The following CPNE8 variants were observed in gnomAD, a reference collection of about 807,000 sequenced individuals.
CPNE8 encodes the protein copine-8.
Under a neutral mutation model 81.5 loss-of-function variants are expected in CPNE8, and 45 were observed. That is an observed-to-expected ratio of 0.55 (90% confidence interval 0.44 to 0.71). The LOEUF is 0.71. Ranked by LOEUF, CPNE8 falls within the 30% of genes least tolerant of loss-of-function variation. The pLI, the probability that CPNE8 is intolerant of heterozygous loss-of-function variation, is 0.00. For missense variants in CPNE8, 594 were observed against 672.1 expected (o/e 0.88, Z 1.28); for synonymous variants, 252 against 226.3 (o/e 1.11, Z -1.02).
chr12:38,665,647 T>C (rs1939044551), intron 19 of CPNE8, among the ~76,000 whole-genome samples: 1 of 152,166 alleles, frequency 6.6e-6, no homozygotes, highest in South Asian at 2.1e-4. Flanking sequence ...ATGGAAAATA[T>C]GATTTAAATA....
chr12:38,844,599 A>G (rs1943522866), intron 4 of CPNE8, among the ~76,000 whole-genome samples: 1 of 152,130 alleles, frequency 6.6e-6, no homozygotes, highest in Non-Finnish European at 1.5e-5. Flanking sequence ...TCTCAGACAT[A>G]CCATAGTAAC....
At chr12:38,797,837 T>A (rs996362180) in intron 6 of CPNE8, among the ~76,000 whole-genome samples, 2 of 151,864 alleles carry the variant, frequency 1.3e-5, no homozygotes, top group African/African-American at 2.4e-5. Flanking sequence ...GAATAACCAA[T>A]ACAGAAAAGT....
intron 1 of CPNE8, among the ~76,000 whole-genome samples, chr12:38,884,033 A>G (rs1944202798): frequency 6.6e-6 from 1 of 152,336 alleles, no homozygotes; most frequent in African/African-American, 2.4e-5. Context: ...AGTTTTATTC[A>G]GAGGTAAATG....
intron 6 of CPNE8, among the ~76,000 whole-genome samples, chr12:38,828,098 A>G (rs1011549484): frequency 6.6e-6 from 1 of 152,202 alleles, no homozygotes; most frequent in Non-Finnish European, 1.5e-5. Context: ...TGTTAAAGGC[A>G]TCTTTAAGGT....
intron 6 of CPNE8, among the ~76,000 whole-genome samples, chr12:38,785,688 G>T (rs964173640): frequency 1.3e-5 from 2 of 152,076 alleles, no homozygotes; most frequent in Non-Finnish European, 2.9e-5. Context: ...TCAAGCTCAG[G>T]TATGTCTTTA....
intron 15 of CPNE8, among the ~76,000 whole-genome samples, chr12:38,691,443 C>G (rs987684677): frequency 6.6e-6 from 1 of 152,136 alleles, no homozygotes; most frequent in Non-Finnish European, 1.5e-5. Context: ...AGTAAATACT[C>G]AGCATTGAGT....
At chr12:38,826,647 T>A (rs1033465532) in intron 6 of CPNE8, among the ~76,000 whole-genome samples, 1 of 152,190 alleles carries the variant, frequency 6.6e-6, no homozygotes. Flanking sequence ...TTGAATCAGC[T>A]GAACAAGGAC....
intron 10 of CPNE8, among the ~76,000 whole-genome samples, chr12:38,757,520 G>C (rs1187549908): frequency 6.6e-6 from 1 of 151,758 alleles, no homozygotes; most frequent in African/African-American, 2.4e-5. Context: ...TTTTATTGGA[G>C]ACTAATGCGC....
intron 5 of CPNE8, among the ~76,000 whole-genome samples, chr12:38,839,525 CA>C (rs928688385): frequency 1.2e-3 from 179 of 145,952 alleles, no homozygotes; most frequent in African/African-American, 3.8e-3. Context: ...AAACAAACTA[CA>C]AAAAAAAAAC....
intron 1 of CPNE8, among the ~76,000 whole-genome samples, chr12:38,876,426 T>A (rs1944067104): frequency 4.6e-5 from 7 of 152,140 alleles, no homozygotes; most frequent in Admixed American, 4.6e-4. Flanking sequence ...TTGGTCAGGC[T>A]GGTCTCAAAC....
Position 38,685,137 on chromosome 12 carries a change from A to G in CPNE8, c.1271+353T>C, listed in dbSNP as rs12302461. Among the ~76,000 whole-genome samples the G allele has an allele frequency of 5.3e-3, 813 of 152,306 alleles. 9 individuals are homozygous for G. The highest frequency in any genetic ancestry group is 0.019 in the African/African-American group (783 of 41,574). ...TACTACTTCTATGCTACTTATTACT[A>G]TTATGGAATGTGATATTAGATAAGA... On this transcript the variant is annotated intron_variant, in intron 16 of 19. Transcript: ENST00000331366.
intron 13 of CPNE8, among the ~76,000 whole-genome samples, chr12:38,712,205 ATTT>A (rs200471171): frequency 0.043 from 5,826 of 135,868 alleles, 414 homozygotes; most frequent in East Asian, 0.33. Flanking sequence ...CAATGATGCC[ATTT>A]TTTTTTTTTT....
chr12:38,669,986 C>T (rs9706200), intron 19 of CPNE8, among the ~76,000 whole-genome samples: 149,406 of 152,252 alleles, frequency 0.98, 73,361 homozygotes, highest in Middle Eastern at 1. Context: ...AAACTCGTGG[C>T]CTGTAAGAGA....
chr12:38,789,079 T>C (rs1218077416), intron 6 of CPNE8, among the ~76,000 whole-genome samples: 7 of 151,934 alleles, frequency 4.6e-5, no homozygotes, highest in African/African-American at 1.7e-4. Flanking sequence ...CAATGGATTC[T>C]TCACATAAAT....
At chr12:38,808,576 G>T (rs898035271) in intron 6 of CPNE8, among the ~76,000 whole-genome samples, 2 of 137,660 alleles carry the variant, frequency 1.5e-5, no homozygotes, top group African/African-American at 5.5e-5. Context: ...ACACAAGAAG[G>T]GGAACATCAC....
At chr12:38,869,331 T>C (rs1943958405) in intron 3 of CPNE8, among the ~76,000 whole-genome samples, 1 of 152,210 alleles carries the variant, frequency 6.6e-6, no homozygotes, top group Non-Finnish European at 1.5e-5. Flanking sequence ...TCCTTAATTG[T>C]ATAGTACTTC....
At chr12:38,795,039 C>G (rs1471590682) in intron 6 of CPNE8, among the ~76,000 whole-genome samples, 3 of 152,174 alleles carry the variant, frequency 2.0e-5, no homozygotes, top group Non-Finnish European at 4.4e-5. Flanking sequence ...ATATGAGACC[C>G]CAAGTTCTTC....
intron 1 of CPNE8, among the ~76,000 whole-genome samples, chr12:38,879,210 C>T (rs1318860105): frequency 1.3e-5 from 2 of 152,100 alleles, no homozygotes; most frequent in Admixed American, 6.5e-5. Flanking sequence ...CCATTTGCAG[C>T]GGGGAGGAGC....
intron 3 of CPNE8, among the ~76,000 whole-genome samples, chr12:38,870,649 G>T (rs1033392505): frequency 6.6e-6 from 1 of 152,070 alleles, no homozygotes; most frequent in Non-Finnish European, 1.5e-5. Flanking sequence ...TCGGCGGGTG[G>T]GGGGCTAGGG....
Sources: gnomAD v4.1 joint callset for allele counts (sites outside exome capture counted in the v4.1 genomes callset) on GRCh38, gnomAD v4.1.1 for gene constraint, MANE v1.5 for transcripts, NCBI Gene and HGNC (gene_info 2026-07-23, HGNC 2026-07-21) for gene names.